Variants in PALM2AKAP2 observed in about 807,000 individuals in gnomAD.
The protein encoded by PALM2AKAP2 is PALM2-AKAP2 fusion protein.
In PALM2AKAP2, 37 loss-of-function variants were observed where a neutral mutation model predicts 71.5. The observed-to-expected ratio is 0.52, with a 90% CI of 0.40 to 0.68. The LOEUF is 0.68. Ranked by LOEUF, PALM2AKAP2 falls within the 30% of genes least tolerant of loss-of-function variation. The probability of loss-of-function intolerance (pLI) is 0.00; values close to 1 mark genes in which losing one functional copy is unlikely to be tolerated. For missense variants in PALM2AKAP2, 1,224 were observed against 1,191.8 expected (o/e 1.03, Z -0.40); for synonymous variants, 468 against 478.8 (o/e 0.98, Z 0.29).
At chr9:110,066,664 A>G (rs1051039897) in intron 1 of PALM2AKAP2, among the ~76,000 whole-genome samples, 1 of 151,406 alleles carries the variant, frequency 6.6e-6, no homozygotes, top group African/African-American at 2.4e-5. Context: ...ACAACACTGC[A>G]CTCTAGCCTG....
intron 1 of PALM2AKAP2, among the ~76,000 whole-genome samples, chr9:109,780,751 A>C (rs1829430804): frequency 6.6e-6 from 1 of 152,160 alleles, no homozygotes; most frequent in Non-Finnish European, 1.5e-5. Flanking sequence ...TGAATGTGGA[A>C]GATTGGCTTA....
intron 1 of PALM2AKAP2, among the ~76,000 whole-genome samples, chr9:109,846,439 T>G (rs1404132319): frequency 6.6e-6 from 1 of 152,192 alleles, no homozygotes; most frequent in Non-Finnish European, 1.5e-5. Context: ...GACTCTTGCT[T>G]GAGCCCCCAC....
intron 3 of PALM2AKAP2, among the ~76,000 whole-genome samples, chr9:109,906,872 T>C (rs1830457584): frequency 1.3e-5 from 2 of 152,180 alleles, no homozygotes; most frequent in South Asian, 4.1e-4. Flanking sequence ...ATCAGACTCA[T>C]TAGTGTGGCA....
chr9:109,886,325 C>T (rs1032861051), intron 3 of PALM2AKAP2, among the ~76,000 whole-genome samples: 2 of 152,130 alleles, frequency 1.3e-5, no homozygotes, highest in Non-Finnish European at 2.9e-5. Context: ...GCCACACTAG[C>T]CCTGTTTACT....
chr9:109,684,008 CA>C (rs1827775203), intron 1 of PALM2AKAP2, among the ~76,000 whole-genome samples: 1 of 152,102 alleles, frequency 6.6e-6, no homozygotes, highest in Non-Finnish European at 1.5e-5. Context: ...GGTCCTGGAA[CA>C]CACCAAATGT....
At position 109,894,045 on chromosome 9, in the gene PALM2AKAP2, A is replaced by AG. The variant is rs1554724262; in HGVS notation, c.257+13365dup. 3.0e-3 allele frequency among the ~76,000 whole-genome samples: 429 copies of AG among 141,504 alleles called. 3 individuals are homozygous for AG. Among genetic ancestry groups the AG allele is most frequent in the African/African-American group, 0.01 (402 of 39,824 alleles). The allele number at this position is 141,504 out of a possible 152,430, so 92.8% of individuals were successfully genotyped here. On this transcript the variant is annotated intron_variant, in intron 3 of 9. Transcript: ENST00000302798. ...TATTTAAAAAAAAAAAAAAAAAAAA[A>AG]GAAGCATCTGGCTGGGTGTGGTGGC...
At chr9:109,871,554 A>G (rs1275086458) in intron 2 of PALM2AKAP2, among the ~76,000 whole-genome samples, 3 of 152,162 alleles carry the variant, frequency 2.0e-5, no homozygotes, top group East Asian at 1.9e-4. Flanking sequence ...AAGAAAAAAC[A>G]TATGTACTCT....
At chr9:109,649,170 G>A (rs767904492) in intron 1 of PALM2AKAP2, among the ~76,000 whole-genome samples, 1 of 151,270 alleles carries the variant, frequency 6.6e-6, no homozygotes, top group African/African-American at 2.4e-5. Flanking sequence ...TTTTTTTCTG[G>A]AAAATGGTAG....
At chr9:109,739,770 T>C (rs1005429503) in intron 1 of PALM2AKAP2, among the ~76,000 whole-genome samples, 2 of 152,198 alleles carry the variant, frequency 1.3e-5, no homozygotes, top group African/African-American at 2.4e-5. Flanking sequence ...GTAATGCAAG[T>C]GATGCTAGCT....
intron 1 of PALM2AKAP2, among the ~76,000 whole-genome samples, chr9:110,123,197 G>A (rs752044740): frequency 2.0e-5 from 3 of 152,212 alleles, no homozygotes; most frequent in Non-Finnish European, 4.4e-5. Flanking sequence ...AGATTAGTTT[G>A]TTAGGGTTGC....
chr9:109,661,146 A>T (rs1037090713), intron 1 of PALM2AKAP2, among the ~76,000 whole-genome samples: 2 of 152,108 alleles, frequency 1.3e-5, no homozygotes, highest in African/African-American at 4.8e-5. Context: ...TTCTTTTGCC[A>T]TGCAGAAGCT....
chr9:110,161,256 C>T (rs1836586359), intron 3 of PALM2AKAP2, among the ~76,000 whole-genome samples: 1 of 152,148 alleles, frequency 6.6e-6, no homozygotes, highest in Non-Finnish European at 1.5e-5. Context: ...TGTGATCCCA[C>T]CTAACTAGTC....
chr9:109,771,732 G>A (rs12553490), intron 1 of PALM2AKAP2, among the ~76,000 whole-genome samples: 28,305 of 152,048 alleles, frequency 0.19, 4,365 homozygotes, highest in African/African-American at 0.42. Context: ...TGAGAAGTAA[G>A]GCATTAGAGG....
chr9:109,800,155 G>C (rs1007659689), intron 1 of PALM2AKAP2, among the ~76,000 whole-genome samples: 1 of 151,266 alleles, frequency 6.6e-6, no homozygotes, highest in Non-Finnish European at 1.5e-5. Context: ...AAGGTTTACT[G>C]ATTTGAAAAG....
chr9:109,950,097 C>A (rs1476543960), intron 6 of PALM2AKAP2, among the ~76,000 whole-genome samples: 2 of 152,060 alleles, frequency 1.3e-5, no homozygotes, highest in Non-Finnish European at 2.9e-5. Context: ...CCAGGCTAGG[C>A]AACATGTTGA....
chr9:109,995,204 G>A (rs1832550805), intron 6 of PALM2AKAP2, among the ~76,000 whole-genome samples: 1 of 152,166 alleles, frequency 6.6e-6, no homozygotes, highest in Non-Finnish European at 1.5e-5. Context: ...AGGACACCCA[G>A]AACTCAGGGT....
chr9:110,073,237 G>A (rs1445657346), intron 1 of PALM2AKAP2, among the ~76,000 whole-genome samples: 2 of 152,250 alleles, frequency 1.3e-5, no homozygotes, highest in Admixed American at 6.5e-5. Context: ...GCAAGAATGC[G>A]TCATTGCTGG....
At chr9:109,902,324 C>T (rs1830347830) in intron 3 of PALM2AKAP2, among the ~76,000 whole-genome samples, 1 of 152,248 alleles carries the variant, frequency 6.6e-6, no homozygotes, top group African/African-American at 2.4e-5. Context: ...TCATCTTTCT[C>T]TCCTTACAGC....
chr9:110,130,004 G>A (rs528745840), intron 1 of PALM2AKAP2, among the ~76,000 whole-genome samples: 2 of 152,280 alleles, frequency 1.3e-5, no homozygotes, highest in South Asian at 4.2e-4. Context: ...CATAGATTCT[G>A]ACTTTGAGTC....
Sources: allele counts gnomAD v4.1 joint callset (sites outside exome capture counted in the v4.1 genomes callset), GRCh38; gene constraint gnomAD v4.1.1; transcripts MANE v1.5; gene names NCBI Gene and HGNC (gene_info 2026-07-23, HGNC 2026-07-21).